The following ITGA1 variants were observed in gnomAD, a reference collection of about 807,000 sequenced individuals.
The protein encoded by ITGA1 is integrin subunit alpha 1, also known as integrin alpha-1.
ITGA1 carries 85 observed loss-of-function variants against 145.9 expected under a neutral mutation model. The observed-to-expected ratio is 0.58, with a 90% CI of 0.49 to 0.70. The LOEUF is 0.70. ITGA1 is among the 30% of genes least tolerant of loss of function. The pLI is 0.00. For synonymous variants in ITGA1, 520 were observed against 495.3 expected (o/e 1.05, Z -0.66); for missense variants, 1,351 against 1,418.7 (o/e 0.95, Z 0.77).
chr5:52,839,825 A>G (rs1427495710), intron 1 of ITGA1, among the ~76,000 whole-genome samples: 1 of 152,188 alleles, frequency 6.6e-6, no homozygotes, highest in African/African-American at 2.4e-5. Flanking sequence ...ACAAAAAAGA[A>G]GTAAGATAAC....
At chr5:52,821,393 C>T (rs1333883506) in intron 1 of ITGA1, among the ~76,000 whole-genome samples, 1 of 152,066 alleles carries the variant, frequency 6.6e-6, no homozygotes, top group African/African-American at 2.4e-5. Flanking sequence ...GAAGATGGCC[C>T]CACTGATATT....
rs10471366 is a variant in ITGA1, at chr5:52,910,932, T to C, written c.1857+513T>C. ...GTATGTATACTATATATAGTATATATGGTATGTATACTGTATATAGTATAT... is the reference window on the plus strand; with the variant it reads ...GTATGTATACTATATATAGTATATACGGTATGTATACTGTATATAGTATAT... On this transcript the variant is annotated intron_variant, in intron 14 of 28. Coordinates refer to ENST00000282588, the MANE Select transcript of ITGA1 (RefSeq NM_181501.2). 2.2e-3 allele frequency among the ~76,000 whole-genome samples: 301 copies of C among 136,818 alleles called. 5 individuals are homozygous for C. The East Asian group carries it at 0.044, about 20-fold the overall frequency. 89.8% of individuals were successfully genotyped at this position (136,818 alleles called of 152,430 possible). A position where few individuals can be genotyped will look rare whatever the true frequency, so the allele number is the denominator to read the frequency against.
chr5:52,894,999 A>C (rs57591764), intron 9 of ITGA1, among the ~76,000 whole-genome samples: 1,953 of 152,252 alleles, frequency 0.013, 45 homozygotes, highest in African/African-American at 0.045. Flanking sequence ...GTGCACATAA[A>C]TATATACATA....
chr5:52,789,850 G>A (rs1254732184), intron 1 of ITGA1, among the ~76,000 whole-genome samples: 3 of 152,126 alleles, frequency 2.0e-5, no homozygotes, highest in Non-Finnish European at 4.4e-5. Flanking sequence ...TGAGGTTTGC[G>A]TATCCTCTAA....
intron 2 of ITGA1, among the ~76,000 whole-genome samples, chr5:52,856,015 T>C (rs1013231744): frequency 1.3e-5 from 2 of 152,208 alleles, no homozygotes; most frequent in African/African-American, 4.8e-5. Context: ...GAATATGCAA[T>C]AGGCCGTGGT....
intron 6 of ITGA1, among the ~76,000 whole-genome samples, chr5:52,867,793 G>T (rs1012959806): frequency 6.6e-6 from 1 of 152,006 alleles, no homozygotes; most frequent in Non-Finnish European, 1.5e-5. Flanking sequence ...CTTTCTGCTT[G>T]CTGATGGCAG....
chr5:52,832,141 C>A lies in ITGA1; in HGVS notation c.62-17224C>A, dbSNP rs184216951. Among the ~76,000 whole-genome samples the A allele has an allele frequency of 2.7e-3, 406 of 152,258 alleles. 9 individuals carry two copies. The highest frequency in any genetic ancestry group is 0.025 in the Admixed American group (385 of 15,292). On this transcript the variant is annotated intron_variant, in intron 1 of 28. Coordinates refer to ENST00000282588, the MANE Select transcript of ITGA1 (RefSeq NM_181501.2). The stretch of plus-strand genomic sequence containing the variant: ...TTCACTAGGCCACACTATAACCCTG[C>A]TTCCTGGAGAGAATCAGACCCATGT...
intron 1 of ITGA1, among the ~76,000 whole-genome samples, chr5:52,817,741 T>C (rs753572371): frequency 6.6e-6 from 1 of 152,240 alleles, no homozygotes; most frequent in Non-Finnish European, 1.5e-5. Context: ...GAAACTAAGA[T>C]AGTACAGACT....
intron 24 of ITGA1, among the ~76,000 whole-genome samples, chr5:52,938,047 A>AC (rs1305733205): frequency 6.6e-6 from 1 of 151,596 alleles, no homozygotes; most frequent in African/African-American, 2.4e-5. Context: ...GTCTGCAAAG[A>AC]CCCTATTTCC....
chr5:52,857,053 C>A (rs1749525790), intron 2 of ITGA1, among the ~76,000 whole-genome samples: 1 of 152,150 alleles, frequency 6.6e-6, no homozygotes, highest in African/African-American at 2.4e-5. Context: ...ATGGAATCTG[C>A]AAAGGCCTTT....
chr5:52,831,715 T>C (rs1749073493), intron 1 of ITGA1, among the ~76,000 whole-genome samples: 1 of 151,798 alleles, frequency 6.6e-6, no homozygotes, highest in Non-Finnish European at 1.5e-5. Context: ...AGAGACAATA[T>C]ATTTTTTTTA....
At chr5:52,935,133 G>T (rs76687972) in intron 23 of ITGA1, among the ~76,000 whole-genome samples, 9,869 of 152,048 alleles carry the variant, frequency 0.065, 559 homozygotes, top group Admixed American at 0.18. Context: ...GTGTTGATAT[G>T]AATTACATTG....
chr5:52,883,637 G>T (rs1750000321), intron 7 of ITGA1, among the ~76,000 whole-genome samples: 1 of 152,084 alleles, frequency 6.6e-6, no homozygotes, highest in Admixed American at 6.6e-5. Context: ...TTTTGTGTGT[G>T]TGTGTTCCCT....
At chr5:52,801,028 T>A in intron 1 of ITGA1, 1 of 1,614,044 alleles carries the variant, frequency 6.2e-7, no homozygotes, top group African/African-American at 1.3e-5. Flanking sequence ...CAGCCCAGGA[T>A]TTGTGAGGGA....
intron 1 of ITGA1, chr5:52,800,685 G>A (rs1561211748): frequency 1.2e-6 from 2 of 1,614,164 alleles, no homozygotes; most frequent in Non-Finnish European, 1.7e-6. Flanking sequence ...TCAAGATGGG[G>A]GCTTACCACA....
chr5:52,801,682 G>A, intron 1 of ITGA1: 1 of 1,614,194 alleles, frequency 6.2e-7, no homozygotes, highest in East Asian at 2.2e-5. Context: ...GAGGCTGGTG[G>A]ACAGTGTGAA....
At chr5:52,805,897 A>G (rs1748581618) in intron 1 of ITGA1, among the ~76,000 whole-genome samples, 1 of 152,170 alleles carries the variant, frequency 6.6e-6, no homozygotes, top group South Asian at 2.1e-4. Flanking sequence ...TTTGAAAATA[A>G]TTTGTTTCAA....
At chr5:52,800,656 A>T in intron 1 of ITGA1, 1 of 1,614,138 alleles carries the variant, frequency 6.2e-7, no homozygotes. Context: ...GGGGACCAAC[A>T]TCCAAGAGAA....
At chr5:52,932,363 A>G (rs1750905586) in intron 22 of ITGA1, 1 of 411,248 alleles carries the variant, frequency 2.4e-6, no homozygotes, top group African/African-American at 2.0e-5. Flanking sequence ...ATACTAAATA[A>G]CCCAAAGTGT....
Sources: gnomAD v4.1 joint callset for allele counts (sites outside exome capture counted in the v4.1 genomes callset) on GRCh38, gnomAD v4.1.1 for gene constraint, MANE v1.5 for transcripts, NCBI Gene and HGNC (gene_info 2026-07-23, HGNC 2026-07-21) for gene names.